CFAP20DC: variants seen among roughly 807,000 people sequenced by gnomAD.
CFAP20DC encodes the protein CFAP20 domain containing, also known as protein CFAP20DC.
CFAP20DC carries 84 observed loss-of-function variants against 101.7 expected under a neutral mutation model. The observed-to-expected ratio is 0.83, with a 90% confidence interval of 0.69 to 0.99. The LOEUF is 0.99. Ranked by LOEUF, CFAP20DC falls within the 50% of genes least tolerant of loss-of-function variation. CFAP20DC has a pLI of 0.00. For synonymous variants in CFAP20DC, 359 were observed against 351.2 expected, an observed-to-expected ratio of 1.02 and a Z score of -0.25; for missense variants, 1,007 against 970.3, an observed-to-expected ratio of 1.04 and a Z score of -0.50.
chr3:58,773,181 GGAGA>G (rs759672884), intron 15 of CFAP20DC, among the ~76,000 whole-genome samples: 2 of 152,092 alleles, frequency 1.3e-5, no homozygotes, highest in Admixed American at 6.5e-5. Flanking sequence ...GACCAACTAA[GGAGA>G]GAGTGAAGTG....
Position 58,937,647 on chromosome 3 carries a change from C to G in CFAP20DC, c.393+1G>C. On this transcript the variant is annotated splice_donor_variant, in intron 5 of 16. Coordinates refer to ENST00000482387, the MANE Select transcript of CFAP20DC (RefSeq NM_001394063.1). LOFTEE classifies it high-confidence loss of function. ...TTAGGCAACATTCATGTGATACTTA[C>G]AATTTTACGTTTGATCATGAAGAGT... The G allele has an allele frequency of 1.9e-6, 3 of 1,561,028 alleles. No homozygotes were observed. Among genetic ancestry groups the G allele is most frequent in the South Asian group, 1.1e-5 (1 of 89,854 alleles).
At chr3:58,840,437 G>T (rs1424082041) in intron 13 of CFAP20DC, among the ~76,000 whole-genome samples, 1 of 152,130 alleles carries the variant, frequency 6.6e-6, no homozygotes, top group Non-Finnish European at 1.5e-5. Context: ...CACACAGAGG[G>T]TGGTCTCCGG....
intron 15 of CFAP20DC, among the ~76,000 whole-genome samples, chr3:58,763,813 T>G (rs1004662292): frequency 2.6e-5 from 4 of 152,220 alleles, no homozygotes; most frequent in Admixed American, 1.3e-4. Flanking sequence ...CTCCAGACCC[T>G]GTTTGCCTGG....
At chr3:58,765,299 C>A (rs2070172735) in intron 15 of CFAP20DC, among the ~76,000 whole-genome samples, 1 of 151,950 alleles carries the variant, frequency 6.6e-6, no homozygotes, top group Non-Finnish European at 1.5e-5. Context: ...CACACACGCA[C>A]ACACATATAC....
chr3:59,006,159 G>A lies in CFAP20DC; in HGVS notation c.278+33398C>T, dbSNP rs924720781. ...TGGATGGATGGATGGATGGATGGAC[G>A]GGGAGGAGGGGCGAATAGGTTAGAA... is the stretch of plus-strand genomic sequence containing the variant. On this transcript the variant is annotated intron_variant, in intron 4 of 16. Coordinates refer to ENST00000482387, the MANE Select transcript of CFAP20DC (RefSeq NM_001394063.1). This position sits in a 1 kb window ranked among gnomAD's most constrained non-coding sequence, Gnocchi z 4.3. Among the ~76,000 whole-genome samples the A allele has an allele frequency of 2.6e-5, 4 of 152,050 alleles. No homozygotes were observed. The highest frequency in any genetic ancestry group is 9.7e-5 in the African/African-American group (4 of 41,404).
At chr3:58,965,033 T>C (rs1427489059) in intron 4 of CFAP20DC, among the ~76,000 whole-genome samples, 1 of 152,222 alleles carries the variant, frequency 6.6e-6, no homozygotes, top group Non-Finnish European at 1.5e-5. Context: ...TTTATTTGTG[T>C]TTCATATGCT....
chr3:58,808,935 C>T (rs2074360302), intron 14 of CFAP20DC, among the ~76,000 whole-genome samples: 1 of 152,002 alleles, frequency 6.6e-6, no homozygotes, highest in Non-Finnish European at 1.5e-5. Flanking sequence ...ACAAAACAGA[C>T]TTTAAACCAA....
chr3:58,878,987 A>G (rs375109996), intron 7 of CFAP20DC, among the ~76,000 whole-genome samples: 3 of 151,912 alleles, frequency 2.0e-5, no homozygotes, highest in Admixed American at 6.6e-5. Flanking sequence ...CAGCCTGGGC[A>G]ACAGAGCGAG....
chr3:58,773,509 T>C (rs921144758), intron 15 of CFAP20DC, among the ~76,000 whole-genome samples: 2 of 152,030 alleles, frequency 1.3e-5, no homozygotes, highest in Non-Finnish European at 1.5e-5. Flanking sequence ...TGAGGTATGA[T>C]TGTGCCACTG....
chr3:58,763,431 C>G (rs2107403970), intron 15 of CFAP20DC, among the ~76,000 whole-genome samples: 2 of 152,118 alleles, frequency 1.3e-5, no homozygotes, highest in Middle Eastern at 6.8e-3. Context: ...TTCTAGTTAG[C>G]CATTCGTCTA....
chr3:58,877,830 C>T (rs188625979), intron 7 of CFAP20DC, among the ~76,000 whole-genome samples: 4 of 152,084 alleles, frequency 2.6e-5, no homozygotes, highest in African/African-American at 7.2e-5. Context: ...TGAAACTGCA[C>T]GAATATGATA....
rs2072586589 is a variant in CFAP20DC, at chr3:58,788,602, G to A, written c.2237+17793C>T. Among the ~76,000 whole-genome samples, 1 of 152,084 alleles carries A rather than the reference G, an allele frequency of 6.6e-6. No homozygotes were observed. Among genetic ancestry groups the A allele is most frequent in the Non-Finnish European group, 1.5e-5 (1 of 68,018 alleles). On this transcript the variant is annotated intron_variant, in intron 15 of 16. Transcript: ENST00000482387. This position sits in a 1 kb window ranked among gnomAD's most constrained non-coding sequence, Gnocchi z 4.2. ...TGGCTAGGCTGGGATTGTAGCAACA[G>A]CAATGACTACCACCACCACAGTGGA... is the stretch of plus-strand genomic sequence containing the variant.
At chr3:58,927,504 A>G (rs964082525) in intron 5 of CFAP20DC, among the ~76,000 whole-genome samples, 2 of 152,216 alleles carry the variant, frequency 1.3e-5, no homozygotes, top group African/African-American at 4.8e-5. Context: ...GAAGTGTGCC[A>G]TTACTACTTA....
intron 4 of CFAP20DC, among the ~76,000 whole-genome samples, chr3:59,033,679 C>T (rs2094039994): frequency 6.6e-6 from 1 of 152,084 alleles, no homozygotes; most frequent in South Asian, 2.1e-4. Flanking sequence ...CGAAAAGAGC[C>T]TCCAAAAATA....
At chr3:58,821,250 C>T (rs993037987) in intron 14 of CFAP20DC, among the ~76,000 whole-genome samples, 1 of 152,074 alleles carries the variant, frequency 6.6e-6, no homozygotes, top group South Asian at 2.1e-4. Flanking sequence ...ACTTCATGTA[C>T]AAAACAACAA....
At chr3:58,889,863 T>C (rs1319985152) in intron 6 of CFAP20DC, among the ~76,000 whole-genome samples, 45 of 125,440 alleles carry the variant, frequency 3.6e-4, no homozygotes, top group Admixed American at 9.9e-4. Flanking sequence ...GAGCACAGGG[T>C]TGGGGGTAAG....
intron 3 of CFAP20DC, among the ~76,000 whole-genome samples, chr3:58,733,047 A>G (rs2067676191): frequency 6.6e-6 from 1 of 152,224 alleles, no homozygotes; most frequent in Non-Finnish European, 1.5e-5. Context: ...AATCTTGATT[A>G]TAGGGCAGGC....
chr3:59,024,484 A>C (rs2093857679), intron 4 of CFAP20DC, among the ~76,000 whole-genome samples: 1 of 152,156 alleles, frequency 6.6e-6, no homozygotes, highest in Non-Finnish European at 1.5e-5. Context: ...ATTATGTAAT[A>C]AATGCCATTA....
At chr3:58,777,477 C>G (rs542540935) in intron 15 of CFAP20DC, among the ~76,000 whole-genome samples, 4 of 152,228 alleles carry the variant, frequency 2.6e-5, no homozygotes, top group African/African-American at 9.6e-5. Flanking sequence ...TTGGGTTCCA[C>G]AGCAGCCTAT....
Sources: allele counts gnomAD v4.1 joint callset (sites outside exome capture counted in the v4.1 genomes callset), GRCh38; gene constraint gnomAD v4.1.1; non-coding constraint Gnocchi (gnomAD v3.1); transcripts MANE v1.5; gene names NCBI Gene and HGNC (gene_info 2026-07-23, HGNC 2026-07-21).